AK6: variants seen among roughly 807,000 people sequenced by gnomAD.
The protein encoded by AK6 is adenylate kinase isoenzyme 6.
In AK6, 24 loss-of-function variants were observed where a neutral mutation model predicts 23.7. That is an observed-to-expected ratio of 1.01 (90% CI 0.73 to 1.43). The LOEUF is 1.43. Ranked by LOEUF, AK6 falls within the 40% of genes most tolerant of loss-of-function variation. AK6 has a pLI of 0.00. For synonymous variants in AK6, 73 were observed against 69.8 expected (o/e 1.05, Z -0.23); for missense variants, 191 against 199.1 (o/e 0.96, Z 0.24).
chr5:69,355,061 C>T (rs901741227), intron 4 of AK6, among the ~76,000 whole-genome samples: 5 of 152,108 alleles, frequency 3.3e-5, no homozygotes, highest in Non-Finnish European at 7.4e-5. Flanking sequence ...GATGTCCTGA[C>T]CTTGTGATCC....
chr5:69,369,444 C>A lies in AK6; in HGVS notation c.28+19G>T, dbSNP rs1330311692. On this transcript the variant is annotated intron_variant, in intron 1 of 4. Coordinates refer to ENST00000380822, the MANE Select transcript of AK6 (RefSeq NM_016283.5). ...CCCAGCCTGCCCCAGCCCAGTCCCT[C>A]CCGGCCGCGCGCCCTGACCGGTGAG... 6.2e-7 allele frequency: 1 copy of A among 1,609,692 alleles called. No individual in the cohort carries two copies. Among genetic ancestry groups the A allele is most frequent in the Non-Finnish European group, 8.5e-7 (1 of 1,178,864 alleles).
chr5:69,356,236 A>T (rs1026665536), intron 2 of AK6, among the ~76,000 whole-genome samples: 4 of 152,238 alleles, frequency 2.6e-5, no homozygotes, highest in African/African-American at 9.6e-5. Flanking sequence ...AACCAACTTC[A>T]GAATTTGTGG....
rs764631617 is a variant in AK6, at chr5:69,355,633, G to GT, written c.326+15dup. 1 of 1,577,068 alleles carries GT rather than the reference G, an allele frequency of 6.3e-7. No homozygotes were observed. Among genetic ancestry groups the GT allele is most frequent in the South Asian group, 1.2e-5 (1 of 84,978 alleles). On this transcript the variant is annotated intron_variant, in intron 4 of 4. Transcript: ENST00000380822. Reference sequence around the variant, plus strand: ...TAACATTATGCTTTAAGAATCTAATGTTTTTCCTTTCTTACCTTGTTTCAA... The same window carrying GT: ...TAACATTATGCTTTAAGAATCTAATGTTTTTTCCTTTCTTACCTTGTTTCAA...
chr5:69,366,599 T>C lies in AK6; in HGVS notation c.29-4A>G. 11 of 1,606,906 alleles carry C rather than the reference T, an allele frequency of 6.8e-6. No homozygotes were observed. The highest frequency in any genetic ancestry group is 9.4e-6 in the Non-Finnish European group (11 of 1,173,816). On this transcript the variant is annotated splice_region_variant and splice_polypyrimidine_tract_variant and intron_variant, in intron 1 of 4. Transcript: ENST00000380822. The stretch of plus-strand genomic sequence containing the variant: ...GTTTTTCCAACCCCTGGTGTACCTG[T>C]AAGACAAGCCACAGAAAAATACTGT...
At chr5:69,369,732 G>C (rs1013970336), upstream of AK6, 6 of 1,545,998 alleles carry the variant, frequency 3.9e-6, no homozygotes, top group African/African-American at 5.5e-5. Flanking sequence ...GGGTCAGGCA[G>C]TGCGCTGGAT....
upstream of AK6, chr5:69,369,568 G>A: frequency 6.2e-7 from 1 of 1,606,716 alleles, no homozygotes; most frequent in South Asian, 1.1e-5. Context: ...GGGGCGGGCG[G>A]CAGCAAAAGC....
At chr5:69,361,833 T>C (rs1762246153) in intron 2 of AK6, among the ~76,000 whole-genome samples, 1 of 151,982 alleles carries the variant, frequency 6.6e-6, no homozygotes, top group Non-Finnish European at 1.5e-5. Flanking sequence ...CTTGAACTCC[T>C]GACCTTAGGT....
intron 2 of AK6, chr5:69,364,599 T>C: frequency 2.8e-6 from 1 of 352,780 alleles, no homozygotes; most frequent in Non-Finnish European, 5.2e-6. Context: ...ATGATCTATG[T>C]ATCTGAAGAC....
chr5:69,366,423 G>A (rs1401395540), intron 2 of AK6, 80 bp downstream of exon 2: 2 of 1,088,396 alleles, frequency 1.8e-6, no homozygotes, highest in South Asian at 1.3e-5. Context: ...TGTACCCTAT[G>A]ACAATACCCA....
intron 2 of AK6, chr5:69,365,783 A>G: frequency 1.4e-6 from 2 of 1,430,928 alleles, no homozygotes; most frequent in Middle Eastern, 1.9e-4. Flanking sequence ...AAATATGTAC[A>G]TTAGATCAAT....
chr5:69,363,086 G>A (rs986027903), intron 2 of AK6, among the ~76,000 whole-genome samples: 3 of 152,020 alleles, frequency 2.0e-5, no homozygotes, highest in South Asian at 2.1e-4. Context: ...AAGTTAGCCC[G>A]GCAGGATGGT....
At position 69,369,502 on chromosome 5, in the gene AK6, C is replaced by T. The variant is rs1561226258; in HGVS notation, c.-12G>A. On this transcript the variant is annotated 5_prime_UTR_variant, in exon 1 of 5. Transcript: ENST00000380822. ...TTCGGAAGCAACATGGTCCCCGCCG[C>T]GACGGCTTCGGGCGCCTCGCTCACG... The T allele has an allele frequency of 6.2e-7, 1 of 1,611,336 alleles. No homozygotes were observed. The highest frequency in any genetic ancestry group is 1.1e-5 in the South Asian group (1 of 90,922).
At chr5:69,368,575 A>G (rs1035749054) in intron 1 of AK6, among the ~76,000 whole-genome samples, 1 of 151,636 alleles carries the variant, frequency 6.6e-6, no homozygotes, top group Non-Finnish European at 1.5e-5. Flanking sequence ...TGGGGTGGTT[A>G]ATCTGCACCT....
At chr5:69,367,504 CAAA>C (rs34070239) in intron 1 of AK6, among the ~76,000 whole-genome samples, 1 of 94,060 alleles carries the variant, frequency 1.1e-5, no homozygotes. Flanking sequence ...GACTCCATCT[CAAA>C]AAAAAAAAAA....
intron 2 of AK6, among the ~76,000 whole-genome samples, chr5:69,364,182 T>A (rs1762322367): frequency 6.6e-6 from 1 of 151,652 alleles, no homozygotes; most frequent in South Asian, 2.1e-4. Context: ...AAATTGACGT[T>A]CTTTTGGACA....
chr5:69,361,311 C>T (rs573811658), intron 2 of AK6, among the ~76,000 whole-genome samples: 30 of 151,868 alleles, frequency 2.0e-4, no homozygotes, highest in African/African-American at 5.1e-4. Flanking sequence ...TTAGTAGAGA[C>T]GGGGTTTCAC....
intron 2 of AK6, among the ~76,000 whole-genome samples, chr5:69,359,357 G>A (rs1353381804): frequency 1.3e-5 from 2 of 152,006 alleles, no homozygotes; most frequent in Non-Finnish European, 2.9e-5. Context: ...CAATTCTCCC[G>A]CCTCAGCCTC....
chr5:69,369,444 C>G lies in AK6; in HGVS notation c.28+19G>C. On this transcript the variant is annotated intron_variant, in intron 1 of 4. Coordinates refer to ENST00000380822, the MANE Select transcript of AK6 (RefSeq NM_016283.5). ...CCCAGCCTGCCCCAGCCCAGTCCCT[C>G]CCGGCCGCGCGCCCTGACCGGTGAG... is the stretch of plus-strand genomic sequence containing the variant. 1 of 1,609,692 alleles carries G rather than the reference C, an allele frequency of 6.2e-7. No individual in the cohort carries two copies. The highest frequency in any genetic ancestry group is 8.5e-7 in the Non-Finnish European group (1 of 1,178,864).
chr5:69,355,548 AAAC>A (rs1243477563), intron 4 of AK6, 98 bp downstream of exon 4: 36 of 1,325,342 alleles, frequency 2.7e-5, no homozygotes, highest in Non-Finnish European at 3.4e-5. Context: ...AAACAAAACA[AAAC>A]AAAACAAACA....
Sources: allele counts gnomAD v4.1 joint callset (sites outside exome capture counted in the v4.1 genomes callset), GRCh38; gene constraint gnomAD v4.1.1; transcripts MANE v1.5; gene names NCBI Gene and HGNC (gene_info 2026-07-23, HGNC 2026-07-21).